The following PCM1 variants were observed in gnomAD, a reference collection of about 807,000 sequenced individuals.
The protein encoded by PCM1 is pericentriolar material 1.
In PCM1, 157 loss-of-function variants were observed where a neutral mutation model predicts 241.9. The ratio of observed to expected loss-of-function variants is 0.65; its 90% CI spans 0.57 to 0.74. The LOEUF is 0.74. PCM1 is among the 30% of genes least tolerant of loss of function. The pLI is 0.00. For missense variants in PCM1, 3,478 were observed against 2,360.1 expected (o/e 1.47, Z -9.81); for synonymous variants, 1,085 against 784.9 (o/e 1.38, Z -6.39).
chr8:17,960,230 C>T (rs1465792858), intron 14 of PCM1, 65 bp downstream of exon 14: 7 of 1,551,350 alleles, frequency 4.5e-6, no homozygotes, highest in Non-Finnish European at 5.3e-6. Context: ...GGAGAAGGTG[C>T]TCAGCTAGGT....
At position 18,011,341 on chromosome 8, in the gene PCM1, A is replaced by T; in HGVS notation, c.5325A>T (p.Glu1775Asp). Reference sequence around the variant, plus strand: ...TTTCTGATCAAGAGGAAGATGAAGAAAGTGAAGGATGTCCAGTGTCTATTA... The same window carrying T: ...TTTCTGATCAAGAGGAAGATGAAGATAGTGAAGGATGTCCAGTGTCTATTA... ...SDISDQEEDE[E>D]SEGCPVSINL... The change falls in exon 33 of 39, where the codon GAA becomes GAT. Residue 1775 changes from glutamate (E) to aspartate (D), a missense_variant. Glu to Asp is a conservative substitution (Grantham distance 45, BLOSUM62 2). Transcript: ENST00000325083. The T allele has an allele frequency of 6.2e-7, 1 of 1,601,864 alleles. No individual in the cohort carries two copies. Among genetic ancestry groups the T allele is most frequent in the Non-Finnish European group, 8.5e-7 (1 of 1,175,608 alleles).
chr8:17,947,907 C>T (rs2064425303), intron 7 of PCM1, among the ~76,000 whole-genome samples: 1 of 152,126 alleles, frequency 6.6e-6, no homozygotes, highest in South Asian at 2.1e-4. Context: ...AAATTTTCTT[C>T]CTCCTTTCCT....
intron 29 of PCM1, among the ~76,000 whole-genome samples, chr8:18,002,662 A>T (rs2090018078): frequency 1.3e-5 from 1 of 78,118 alleles, no homozygotes; most frequent in African/African-American, 8.6e-5. Flanking sequence ...TGACTTCCAC[A>T]ATGGTTGAAC....
chr8:17,966,239 A>T (rs369005064), intron 19 of PCM1, 21 bp downstream of exon 19: 3 of 1,608,872 alleles, frequency 1.9e-6, no homozygotes, highest in Non-Finnish European at 2.6e-6. Flanking sequence ...CTATGAAAGT[A>T]TATTTTTCGT....
At chr8:18,017,482 GAA>G (rs1325304624) in intron 36 of PCM1, among the ~76,000 whole-genome samples, 1 of 152,184 alleles carries the variant, frequency 6.6e-6, no homozygotes, top group African/African-American at 2.4e-5. Flanking sequence ...GGCCATTGAA[GAA>G]AAGAGTCTCC....
At chr8:18,011,587 A>G (rs1424969086) in intron 33 of PCM1, 80 bp from the exon 34 acceptor site, 21 of 1,300,286 alleles carry the variant, frequency 1.6e-5, no homozygotes, top group Non-Finnish European at 2.1e-5. Context: ...CATCTGTGCC[A>G]TGCAGGAATG....
rs1333732807 is a variant in PCM1 at position 17,950,613 on chromosome 8, AGTT to A, written c.965_967del (p.Val322del). ...AATCAGTAGTTACTAATTTCTTTCC[AGTT>A]GTTGCAGAAACTGCAGGTAGCTTAT... On this transcript the variant is annotated splice_acceptor_variant and coding_sequence_variant, in exon 8 of 39. Coordinates refer to ENST00000325083, the MANE Select transcript of PCM1 (RefSeq NM_006197.4). LOFTEE classifies it high-confidence loss of function. 6.6e-7 allele frequency: 1 copy of A among 1,522,840 alleles called. No homozygotes were observed. The highest frequency in any genetic ancestry group is 9.1e-7 in the Non-Finnish European group (1 of 1,103,468). The allele number at this position is 1,522,840 out of a possible 1,614,324, so 94.3% of individuals were successfully genotyped here. A position where few individuals can be genotyped will look rare whatever the true frequency, so the allele number is the denominator to read the frequency against.
At chr8:17,993,275 T>C (rs527565040) in intron 28 of PCM1, among the ~76,000 whole-genome samples, 83 of 152,256 alleles carry the variant, frequency 5.5e-4, no homozygotes, top group African/African-American at 1.7e-3. Flanking sequence ...AATAATTCTA[T>C]GTAAAAAATT....
chr8:17,962,932 T>G (rs1388465687), intron 16 of PCM1, 169 bp from the exon 17 acceptor site: 4 of 532,660 alleles, frequency 7.5e-6, no homozygotes, highest in Non-Finnish European at 1.3e-5. Context: ...CTGATTTTTT[T>G]GTAATCATAA....
rs1308946353 is a variant in PCM1, at chr8:17,957,681, A to G, written c.1946A>G (p.His649Arg). 1.2e-6 allele frequency: 2 copies of G among 1,611,340 alleles called. No individual in the cohort carries two copies. The highest frequency in any genetic ancestry group is 1.7e-6 in the Non-Finnish European group (2 of 1,178,540). The stretch of plus-strand genomic sequence containing the variant: ...CACAGGAGCAGTCTGGTTGATGAGC[A>G]TCCAGAAGATGCTGAATTTGAACAG... ...SSHRSSLVDEHPEDAEFEQKI... is the reference protein window; with the variant it reads ...SSHRSSLVDERPEDAEFEQKI... Residue 649 changes from histidine to arginine, a missense_variant, in exon 13 of 39, where the codon CAT becomes CGT. Coordinates refer to ENST00000325083, the MANE Select transcript of PCM1 (RefSeq NM_006197.4).
chr8:18,026,580 T>G, intron 38 of PCM1, among the ~76,000 whole-genome samples: 1 of 152,200 alleles, frequency 6.6e-6, no homozygotes, highest in Non-Finnish European at 1.5e-5. Flanking sequence ...TTTTTATTAT[T>G]GATTTTTAGT....
At chr8:17,926,464 C>T (rs2056996254) in intron 2 of PCM1, 1 of 152,136 alleles carries the variant, frequency 6.6e-6, no homozygotes, top group Non-Finnish European at 1.5e-5. Context: ...GACAGGGTGC[C>T]TTTCTTCATG....
intron 7 of PCM1, among the ~76,000 whole-genome samples, chr8:17,949,537 C>T (rs1373435381): frequency 4.3e-5 from 1 of 23,270 alleles, no homozygotes; most frequent in Non-Finnish European, 7.8e-5. Flanking sequence ...TGCTCTGTCA[C>T]CCAGGCTGGA....
At chr8:17,981,037 G>C (rs1262354269) in intron 24 of PCM1, among the ~76,000 whole-genome samples, 2 of 152,164 alleles carry the variant, frequency 1.3e-5, no homozygotes, top group Non-Finnish European at 2.9e-5. Context: ...ATCTGATTAA[G>C]AATTAGATAT....
Position 17,969,632 on chromosome 8 carries a change from C to T in PCM1, c.3468C>T (p.Ile1156=). ...ATTTTGGAGATTTTTCTCAGAATATCTCTACACCCAGTGAACAGCAGCAAC... is the reference window on the plus strand; with the variant it reads ...ATTTTGGAGATTTTTCTCAGAATATTTCTACACCCAGTGAACAGCAGCAAC... ...PSNFGDFSQN[I]STPSEQQQPL... is the part of the protein sequence containing the mutation. Residue 1156 remains isoleucine, a synonymous_variant, in exon 22 of 39, where the codon ATC becomes ATT. Transcript: ENST00000325083. 1 of 1,612,504 alleles carries T rather than the reference C, an allele frequency of 6.2e-7. No individual in the cohort carries two copies. Among genetic ancestry groups the T allele is most frequent in the Non-Finnish European group, 8.5e-7 (1 of 1,178,906 alleles).
At chr8:17,925,685 A>T (rs975519341) in intron 2 of PCM1, 3 of 152,232 alleles carry the variant, frequency 2.0e-5, no homozygotes, top group African/African-American at 7.2e-5. Flanking sequence ...AATACAAAAA[A>T]GATTAGCCAG....
rs778884427 is a variant in PCM1, at chr8:17,939,676, AT to A, written c.613-14del. 1.9e-5 allele frequency: 28 copies of A among 1,460,784 alleles called. No individual in the cohort carries two copies. Among genetic ancestry groups the A allele is most frequent in the South Asian group, 1.4e-4 (10 of 72,082 alleles). 90.5% of individuals were successfully genotyped at this position (1,460,784 alleles called of 1,614,324 possible). On this transcript the variant is annotated splice_polypyrimidine_tract_variant and intron_variant, in intron 5 of 38. Coordinates refer to ENST00000325083, the MANE Select transcript of PCM1 (RefSeq NM_006197.4). ...TACTTTCATGCTTTTTTTAAAAAAAATATTTCCCCTGCAGATTGTAAGCAGG... is the reference window on the plus strand; with the variant it reads ...TACTTTCATGCTTTTTTTAAAAAAAAATTTCCCCTGCAGATTGTAAGCAGG...
In PCM1 at chr8:18,014,031, G is replaced by A. The variant is rs779069057; in HGVS notation, c.5579G>A (p.Ser1860Asn). Residue 1860 changes from serine to asparagine, a missense_variant, in exon 35 of 39, where the codon AGT becomes AAT. Physicochemically the swap from Ser to Asn is conservative, Grantham distance 46 (BLOSUM62 1). Transcript: ENST00000325083. ...GTCCCATTGGAACGAGAAGCCACTA[G>A]TAAAAGTAAGAAATCTAAATAAGTC... is the stretch of plus-strand genomic sequence containing the variant. ...KNVPLEREAT[S>N]KNDQNNCPVK... 6.4e-7 allele frequency: 1 copy of A among 1,562,664 alleles called. No homozygotes were observed. Among genetic ancestry groups the A allele is most frequent in the Non-Finnish European group, 8.7e-7 (1 of 1,146,922 alleles).
rs759803792 is a variant in PCM1, at chr8:17,950,830, C to T, written c.1071+106C>T. 13 of 724,508 alleles carry T rather than the reference C, an allele frequency of 1.8e-5. No homozygotes were observed. In the East Asian group the frequency reaches 2.2e-4, roughly 12 times the overall value. The allele number at this position is 724,508 out of a possible 1,614,324, so 44.9% of individuals were successfully genotyped here. The stretch of plus-strand genomic sequence containing the variant: ...CATATCACCTGGCATGATTGTTGAG[C>T]AGTGTAGGTTTCTGATTGGTGGGGT... On this transcript the variant is annotated intron_variant, in intron 8 of 38. Coordinates refer to ENST00000325083, the MANE Select transcript of PCM1 (RefSeq NM_006197.4).
Sources: gnomAD v4.1 joint callset for allele counts (sites outside exome capture counted in the v4.1 genomes callset) on GRCh38, gnomAD v4.1.1 for gene constraint, MANE v1.5 for transcripts, NCBI Gene and HGNC (gene_info 2026-07-23, HGNC 2026-07-21) for gene names.